The following VPS13B variants were observed in gnomAD, a reference collection of about 807,000 sequenced individuals.
VPS13B encodes the protein vacuolar protein sorting 13 homolog B.
In VPS13B, 285 loss-of-function variants were observed where a neutral mutation model predicts 426.4. That is an observed-to-expected ratio of 0.67 (90% CI 0.61 to 0.74). The LOEUF (loss-of-function observed/expected upper bound fraction) is 0.74. Ranked by LOEUF, VPS13B falls within the 30% of genes least tolerant of loss-of-function variation. The probability of loss-of-function intolerance (pLI) is 0.00; values close to 1 mark genes in which losing one functional copy is unlikely to be tolerated. For missense variants in VPS13B, 4,537 were observed against 4,782.6 expected (o/e 0.95, Z 1.51); for synonymous variants, 1,676 against 1,676.4 (o/e 1.00, Z 0.01).
intron 21 of VPS13B, among the ~76,000 whole-genome samples, chr8:99,421,453 G>A (rs1816367161): frequency 6.6e-6 from 1 of 152,062 alleles, no homozygotes; most frequent in African/African-American, 2.4e-5. Context: ...AAAACTAGGA[G>A]TCATTGTATG....
At chr8:99,855,165 C>T (rs1371665305) in intron 56 of VPS13B, among the ~76,000 whole-genome samples, 7 of 152,208 alleles carry the variant, frequency 4.6e-5, no homozygotes, top group East Asian at 1.9e-4. Context: ...CACTTGAGCA[C>T]GGGAGTTCAA....
At chr8:99,199,799 A>G (rs184409614) in intron 17 of VPS13B, among the ~76,000 whole-genome samples, 97 of 151,960 alleles carry the variant, frequency 6.4e-4, no homozygotes, top group African/African-American at 1.8e-3. Context: ...CCTTTTTTTC[A>G]GGTATTCTCC....
At chr8:99,300,958 G>C (rs539162886) in intron 19 of VPS13B, among the ~76,000 whole-genome samples, 1 of 149,834 alleles carries the variant, frequency 6.7e-6, no homozygotes, top group Non-Finnish European at 1.5e-5. Flanking sequence ...GCATGGTGGC[G>C]TGTGCCTGTA....
chr8:99,405,120 T>A (rs542000549), intron 21 of VPS13B, among the ~76,000 whole-genome samples: 35 of 152,332 alleles, frequency 2.3e-4, no homozygotes, highest in Admixed American at 1.1e-3. Flanking sequence ...TTCACACTGA[T>A]GATCTGCCTT....
At chr8:99,638,104 A>G (rs1463818615) in intron 33 of VPS13B, among the ~76,000 whole-genome samples, 1 of 152,090 alleles carries the variant, frequency 6.6e-6, no homozygotes, top group African/African-American at 2.4e-5. Context: ...CTAAAATGAA[A>G]CTTATTTTGA....
chr8:99,377,988 A>G (rs1028597564), intron 19 of VPS13B, among the ~76,000 whole-genome samples: 3 of 152,186 alleles, frequency 2.0e-5, no homozygotes, highest in Non-Finnish European at 4.4e-5. Flanking sequence ...ACAGGGTTCA[A>G]GAGGAGAGAA....
intron 19 of VPS13B, among the ~76,000 whole-genome samples, chr8:99,335,924 AAATGGCCGT>A: frequency 6.6e-6 from 1 of 152,360 alleles, no homozygotes; most frequent in Admixed American, 6.5e-5. Context: ...AATATTGTGA[AAATGGCCGT>A]ACTGCCCAAG....
At chr8:99,830,975 G>A (rs955351072) in intron 51 of VPS13B, among the ~76,000 whole-genome samples, 6 of 151,860 alleles carry the variant, frequency 4.0e-5, no homozygotes, top group African/African-American at 1.2e-4. Flanking sequence ...TACCTCAGTT[G>A]GAAACGCAGA....
chr8:99,140,603 C>T (rs968044746), intron 12 of VPS13B, among the ~76,000 whole-genome samples: 4 of 150,834 alleles, frequency 2.7e-5, no homozygotes, highest in African/African-American at 9.8e-5. Context: ...TCCCTCTCCT[C>T]CCCTTCTCTT....
chr8:99,302,353 T>G (rs1820413808), intron 19 of VPS13B, among the ~76,000 whole-genome samples: 1 of 152,220 alleles, frequency 6.6e-6, no homozygotes. Context: ...GACAATGCAT[T>G]TAATATGCCT....
chr8:99,140,815 C>T (rs1193029087), intron 12 of VPS13B, among the ~76,000 whole-genome samples: 1 of 152,038 alleles, frequency 6.6e-6, no homozygotes, highest in East Asian at 1.9e-4. Flanking sequence ...AAAGTTTGAA[C>T]CTTGTGTTCC....
At chr8:99,798,827 A>C (rs996981347) in intron 43 of VPS13B, among the ~76,000 whole-genome samples, 4 of 152,244 alleles carry the variant, frequency 2.6e-5, no homozygotes, top group African/African-American at 9.6e-5. Flanking sequence ...CTAAACATAA[A>C]GGTCCTTTAC....
chr8:99,330,883 C>G (rs1257784360), intron 19 of VPS13B, among the ~76,000 whole-genome samples: 1 of 151,648 alleles, frequency 6.6e-6, no homozygotes, highest in Non-Finnish European at 1.5e-5. Flanking sequence ...TCCCCCTTGT[C>G]TTAAGGCAAT....
chr8:99,365,171 T>TC (rs1812787324), intron 19 of VPS13B, among the ~76,000 whole-genome samples: 1 of 151,754 alleles, frequency 6.6e-6, no homozygotes, highest in African/African-American at 2.4e-5. Context: ...TTTTTTTTTT[T>TC]CTTTATCTGG....
At chr8:99,211,780 T>C (rs1488889934) in intron 17 of VPS13B, among the ~76,000 whole-genome samples, 5 of 152,264 alleles carry the variant, frequency 3.3e-5, no homozygotes, top group Admixed American at 3.3e-4. Context: ...AAATTACTTA[T>C]GCTTTCTGTA....
At chr8:99,187,917 G>A (rs936005255) in intron 16 of VPS13B, among the ~76,000 whole-genome samples, 2 of 152,076 alleles carry the variant, frequency 1.3e-5, no homozygotes, top group African/African-American at 2.4e-5. Flanking sequence ...GCAGTGAACC[G>A]TGATCATGCT....
At chr8:99,381,912 G>T (rs1207566300) in intron 19 of VPS13B, among the ~76,000 whole-genome samples, 2 of 152,080 alleles carry the variant, frequency 1.3e-5, no homozygotes, top group African/African-American at 2.4e-5. Context: ...GCCTGTTCCT[G>T]TGTCCAGAAT....
intron 21 of VPS13B, among the ~76,000 whole-genome samples, chr8:99,399,216 A>G (rs1052523581): frequency 2.6e-5 from 4 of 152,178 alleles, no homozygotes; most frequent in Non-Finnish European, 5.9e-5. Context: ...ATGAAAATAT[A>G]TGTTTACTAA....
intron 56 of VPS13B, 75 bp downstream of exon 56, chr8:99,854,331 T>A: frequency 6.6e-7 from 1 of 1,510,606 alleles, no homozygotes; most frequent in South Asian, 1.2e-5. Context: ...TAGCACCTCA[T>A]TTCAAGACCT....
Sources: gnomAD v4.1 joint callset for allele counts (sites outside exome capture counted in the v4.1 genomes callset) on GRCh38, gnomAD v4.1.1 for gene constraint, MANE v1.5 for transcripts, NCBI Gene and HGNC (gene_info 2026-07-23, HGNC 2026-07-21) for gene names.